The following SERGEF variants were observed in gnomAD, a reference collection of about 807,000 sequenced individuals.
The protein encoded by SERGEF is secretion regulating guanine nucleotide exchange factor, also known as secretion-regulating guanine nucleotide exchange factor.
A neutral mutation model predicts 50.0 loss-of-function variants in SERGEF; 51 were observed. That is an observed-to-expected ratio of 1.02 (90% CI 0.81 to 1.29). SERGEF has a LOEUF of 1.29. SERGEF is among the 50% of genes most tolerant of loss of function. SERGEF has a pLI of 0.00. For missense variants in SERGEF, 521 were observed against 557.0 expected (o/e 0.94, Z 0.65); for synonymous variants, 205 against 212.4 (o/e 0.97, Z 0.30).
intron 8 of SERGEF, among the ~76,000 whole-genome samples, chr11:17,965,139 GGGA>G (rs1853092435): frequency 6.6e-6 from 1 of 152,188 alleles, no homozygotes; most frequent in Non-Finnish European, 1.5e-5. Context: ...GGGACCTGGT[GGGA>G]GGTAATTGAA....
intron 9 of SERGEF, among the ~76,000 whole-genome samples, chr11:17,944,008 A>C (rs1397679492): frequency 6.6e-6 from 1 of 152,006 alleles, no homozygotes; most frequent in Non-Finnish European, 1.5e-5. Flanking sequence ...GCTCACTGCA[A>C]CCTCCACCTC....
intron 10 of SERGEF, among the ~76,000 whole-genome samples, chr11:17,817,161 G>A (rs1235891542): frequency 1.3e-5 from 2 of 151,446 alleles, no homozygotes; most frequent in African/African-American, 4.9e-5. Flanking sequence ...CATTTACTGA[G>A]AACTTACAAT....
At chr11:17,808,836 T>TAC (rs1849813598) in intron 10 of SERGEF, among the ~76,000 whole-genome samples, 1 of 152,240 alleles carries the variant, frequency 6.6e-6, no homozygotes, top group Non-Finnish European at 1.5e-5. Flanking sequence ...TTGGCTTGTA[T>TAC]ACACTTTATA....
intron 9 of SERGEF, among the ~76,000 whole-genome samples, chr11:17,908,370 C>T (rs1851890747): frequency 6.6e-6 from 1 of 152,110 alleles, no homozygotes; most frequent in Admixed American, 6.5e-5. Flanking sequence ...CTGCCCTCTC[C>T]ACAACTCCCC....
intron 10 of SERGEF, among the ~76,000 whole-genome samples, chr11:17,852,528 G>A (rs1037180493): frequency 4.6e-5 from 7 of 152,154 alleles, no homozygotes; most frequent in Admixed American, 2.0e-4. Flanking sequence ...GCTCAGGTAG[G>A]TGGAATTATT....
At chr11:17,855,712 T>C (rs1415202219) in intron 10 of SERGEF, 1 of 152,176 alleles carries the variant, frequency 6.6e-6, no homozygotes, top group African/African-American at 2.4e-5. Flanking sequence ...ACAGAAACTG[T>C]AGAAAGTGCA....
At chr11:17,972,268 A>T (rs1178653078) in intron 8 of SERGEF, among the ~76,000 whole-genome samples, 2 of 152,244 alleles carry the variant, frequency 1.3e-5, no homozygotes, top group African/African-American at 4.8e-5. Context: ...AGTAAATGCT[A>T]TCAAACAGCA....
intron 10 of SERGEF, among the ~76,000 whole-genome samples, chr11:17,801,387 T>A (rs1237374455): frequency 6.6e-6 from 1 of 152,062 alleles, no homozygotes; most frequent in African/African-American, 2.4e-5. Flanking sequence ...GGGAGCAGAT[T>A]TAGGAGGCTA....
At position 17,884,002 on chromosome 11, in the gene SERGEF, A is replaced by G. The variant is rs1012764503; in HGVS notation, c.1012-5758T>C. Among the ~76,000 whole-genome samples the G allele has an allele frequency of 6.6e-6, 1 of 152,138 alleles. No individual in the cohort carries two copies. The highest frequency in any genetic ancestry group is 2.4e-5 in the African/African-American group (1 of 41,436). ...AACACCGGGTTGCGGACCAGAACTC[A>G]GGGTCAGGTACGCCAAGGAGAGGAA... On this transcript the variant is annotated intron_variant, in intron 9 of 10. Transcript: ENST00000265965. This position sits in a 1 kb window ranked among gnomAD's most constrained non-coding sequence, Gnocchi z 4.6.
intron 9 of SERGEF, among the ~76,000 whole-genome samples, chr11:17,925,088 A>T (rs185288327): frequency 1.0e-3 from 153 of 152,268 alleles, no homozygotes; most frequent in African/African-American, 3.2e-3. Context: ...AGCCATTTAC[A>T]GGAACCCAAG....
At chr11:17,941,524 G>A (rs373388402) in intron 9 of SERGEF, among the ~76,000 whole-genome samples, 1 of 152,032 alleles carries the variant, frequency 6.6e-6, no homozygotes, top group Non-Finnish European at 1.5e-5. Context: ...TTTGTTTATC[G>A]TCTATCCTTT....
chr11:17,880,707 GA>G (rs1257389921), intron 9 of SERGEF, among the ~76,000 whole-genome samples: 1 of 151,692 alleles, frequency 6.6e-6, no homozygotes, highest in Non-Finnish European at 1.5e-5. Flanking sequence ...CCACCACAGA[GA>G]AAAAAACCCA....
Position 17,975,554 on chromosome 11 carries a change from T to C in SERGEF, c.844+13043A>G, listed in dbSNP as rs73428341. 5.7e-3 allele frequency among the ~76,000 whole-genome samples: 867 copies of C among 152,220 alleles called. 7 individuals are homozygous for C. Among genetic ancestry groups the C allele is most frequent in the African/African-American group, 0.016 (659 of 41,552 alleles). On this transcript the variant is annotated intron_variant, in intron 8 of 10. Coordinates refer to ENST00000265965, the MANE Select transcript of SERGEF (RefSeq NM_012139.4). Reference sequence around the variant, plus strand: ...CTCCAGTCCCACCCATCTCCCCATCTCATAGATTCTCAAAATCACCTGAGC... The same window carrying C: ...CTCCAGTCCCACCCATCTCCCCATCCCATAGATTCTCAAAATCACCTGAGC...
intron 9 of SERGEF, among the ~76,000 whole-genome samples, chr11:17,936,091 A>C (rs1020623701): frequency 6.6e-6 from 1 of 152,210 alleles, no homozygotes; most frequent in African/African-American, 2.4e-5. Flanking sequence ...TATTCTTTTA[A>C]TAGCATCCAA....
intron 9 of SERGEF, among the ~76,000 whole-genome samples, chr11:17,914,048 A>C (rs556636462): frequency 6.6e-6 from 1 of 152,228 alleles, no homozygotes; most frequent in Non-Finnish European, 1.5e-5. Context: ...AATTGGCCCC[A>C]GTTGACCTTT....
chr11:17,950,226 G>A (rs1373164636), intron 9 of SERGEF, among the ~76,000 whole-genome samples: 3 of 152,162 alleles, frequency 2.0e-5, no homozygotes, highest in Non-Finnish European at 2.9e-5. Flanking sequence ...AAGGTGATGA[G>A]GAGACAGTGG....
chr11:17,913,196 A>C (rs1013757134), intron 9 of SERGEF, among the ~76,000 whole-genome samples: 1 of 152,234 alleles, frequency 6.6e-6, no homozygotes, highest in Admixed American at 6.5e-5. Flanking sequence ...TCCTCTCTGC[A>C]TAAGCCTGTA....
At chr11:17,811,550 C>T in intron 10 of SERGEF, among the ~76,000 whole-genome samples, 1 of 152,226 alleles carries the variant, frequency 6.6e-6, no homozygotes, top group East Asian at 1.9e-4. Context: ...AGACATGCTG[C>T]ATCTAGGCTC....
At chr11:17,955,196 CT>C (rs1852841311) in intron 9 of SERGEF, among the ~76,000 whole-genome samples, 1 of 152,336 alleles carries the variant, frequency 6.6e-6, no homozygotes, top group East Asian at 1.9e-4. Context: ...AATAACATTT[CT>C]TTTTTGTTAG....
Sources: gnomAD v4.1 joint callset for allele counts (sites outside exome capture counted in the v4.1 genomes callset) on GRCh38, gnomAD v4.1.1 for gene constraint, Gnocchi (gnomAD v3.1) non-coding constraint, MANE v1.5 for transcripts, NCBI Gene and HGNC (gene_info 2026-07-23, HGNC 2026-07-21) for gene names.